Variants in CHIT1 observed in about 807,000 individuals in gnomAD.
The protein encoded by CHIT1 is chitinase 1, also known as chitotriosidase-1.
Under a neutral mutation model 52.0 loss-of-function variants are expected in CHIT1, and 47 were observed. That is an observed-to-expected ratio of 0.90 (90% confidence interval 0.71 to 1.15). The LOEUF is 1.15. Among genes scored for constraint, CHIT1 ranks in the 50% most tolerant of loss-of-function variants. CHIT1 has a pLI of 0.00. For synonymous variants in CHIT1, 242 were observed against 228.2 expected (o/e 1.06, Z -0.54); for missense variants, 569 against 583.0 (o/e 0.98, Z 0.25).
intron 6 of CHIT1, 141 bp from the exon 7 acceptor site, chr1:203,222,466 C>T: frequency 1.6e-6 from 2 of 1,272,442 alleles, no homozygotes; most frequent in South Asian, 1.3e-5. Flanking sequence ...TCACCTGGCT[C>T]TGCAGAAGGT....
chr1:203,217,597 G>T, intron 10 of CHIT1, 142 bp downstream of exon 10: 1 of 1,373,852 alleles, frequency 7.3e-7, no homozygotes, highest in South Asian at 1.3e-5. Flanking sequence ...GCTCCTGCGG[G>T]TACATGAAGC....
At chr1:203,228,096 G>A (rs1449816857) in intron 2 of CHIT1, among the ~76,000 whole-genome samples, 6 of 152,196 alleles carry the variant, frequency 3.9e-5, no homozygotes, top group African/African-American at 9.6e-5. Context: ...TGTTGTCCTC[G>A]CAGAGCTAAG....
rs73068216 is a variant in CHIT1, at chr1:203,224,818, C to G, written c.314+230G>C. Among the ~76,000 whole-genome samples the G allele has an allele frequency of 5.5e-3, 831 of 152,306 alleles. 9 individuals are homozygous for G. The highest frequency in any genetic ancestry group is 0.019 in the African/African-American group (793 of 41,558). On this transcript the variant is annotated intron_variant, in intron 4 of 10. Coordinates refer to ENST00000367229, the MANE Select transcript of CHIT1 (RefSeq NM_003465.3). ...GCCCTCTGCTGTGTTTAGACCTATGCTTCTGGCAAGACTGGATCTGAAACA... is the reference window on the plus strand; with the variant it reads ...GCCCTCTGCTGTGTTTAGACCTATGGTTCTGGCAAGACTGGATCTGAAACA...
At chr1:203,229,777 G>C, upstream of CHIT1, 2 of 961,902 alleles carry the variant, frequency 2.1e-6, no homozygotes, top group Non-Finnish European at 3.3e-6. Flanking sequence ...AGCAGGGTGG[G>C]GAGGGGTAAG....
chr1:203,216,088 G>A lies in CHIT1; in HGVS notation c.*801C>T, dbSNP rs1314800032. The A allele has an allele frequency of 4.4e-6, 2 of 453,442 alleles. No homozygotes were observed. The highest frequency in any genetic ancestry group is 4.7e-5 in the Admixed American group (2 of 42,564). 28.1% of individuals were successfully genotyped at this position (453,442 alleles called of 1,614,324 possible). A position where few individuals can be genotyped will look rare whatever the true frequency, so the allele number is the denominator to read the frequency against. ...AGCCCAAAGCAGCCAGGAATGTTGG[G>A]ATGACTTTATTTAACCAGGACACCG... is the stretch of plus-strand genomic sequence containing the variant. On this transcript the variant is annotated 3_prime_UTR_variant, in exon 11 of 11. Transcript: ENST00000367229.
intron 9 of CHIT1, chr1:203,218,213 T>TGGTCAAGGTCAA (rs142759151): frequency 1.7e-5 from 12 of 704,718 alleles, no homozygotes; most frequent in Middle Eastern, 3.0e-4. Flanking sequence ...TATTGTATGC[T>TGGTCAAGGTCAA]GGTCAAGGTC....
chr1:203,228,401 G>A, intron 2 of CHIT1, 132 bp downstream of exon 2: 2 of 973,776 alleles, frequency 2.1e-6, no homozygotes, highest in Admixed American at 4.0e-5. Context: ...GACATTTGCA[G>A]GGGTCTGAGC....
chr1:203,225,794 C>T lies in CHIT1; in HGVS notation c.132G>A (p.Lys44=), dbSNP rs1265108000. The T allele has an allele frequency of 1.9e-6, 3 of 1,614,200 alleles. No homozygotes were observed. Among genetic ancestry groups the T allele is most frequent in the Admixed American group, 1.7e-5 (1 of 60,026 alleles). The change falls in exon 3 of 11, where the codon AAG becomes AAA. Residue 44 remains lysine, a synonymous_variant. Coordinates refer to ENST00000367229, the MANE Select transcript of CHIT1 (RefSeq NM_003465.3). The part of the protein sequence containing the change: ...YRQGEARFLP[K]DLDPSLCTHL... ...GGGTGCAAAGGCTGGGGTCCAAGTC[C>T]TTGGGCAGGAAGCGAGCCTCCCCCT...
At chr1:203,230,030 G>A, upstream of CHIT1, 1 of 301,068 alleles carries the variant, frequency 3.3e-6, no homozygotes, top group Non-Finnish European at 6.5e-6. Flanking sequence ...AGGCAGCTGG[G>A]TTCCAGACCA....
intron 8 of CHIT1, 99 bp downstream of exon 8, chr1:203,219,565 T>C (rs2102232728): frequency 7.2e-7 from 1 of 1,388,948 alleles, no homozygotes. Context: ...TTCTCTGCAA[T>C]TGGCATCCTT....
chr1:203,217,258 C>A, intron 10 of CHIT1, 125 bp from the exon 11 acceptor site: 1 of 1,576,996 alleles, frequency 6.3e-7, no homozygotes, highest in Non-Finnish European at 8.6e-7. Flanking sequence ...AGGCTGAGTA[C>A]AGCCAGATAC....
chr1:203,229,639 T>C lies in CHIT1; in HGVS notation c.-3A>G. On this transcript the variant is annotated 5_prime_UTR_variant, in exon 1 of 11. Coordinates refer to ENST00000367229, the MANE Select transcript of CHIT1 (RefSeq NM_003465.3). ...GCCCAGGCCACAGACCGCACCATGA[T>C]GCAGCTCAGCGGCAGGCTGCAGCCC... 1 of 1,614,080 alleles carries C rather than the reference T, an allele frequency of 6.2e-7. No individual in the cohort carries two copies. The highest frequency in any genetic ancestry group is 1.1e-5 in the South Asian group (1 of 91,040).
At chr1:203,220,754 G>C (rs1656704686) in intron 7 of CHIT1, among the ~76,000 whole-genome samples, 2 of 152,208 alleles carry the variant, frequency 1.3e-5, no homozygotes. Context: ...TCTTTGATCA[G>C]ATGGGTGCTT....
intron 2 of CHIT1, 45 bp downstream of exon 2, chr1:203,228,488 G>C (rs560383439): frequency 3.6e-5 from 56 of 1,563,602 alleles, no homozygotes; most frequent in Non-Finnish European, 4.8e-5. Context: ...ACATTAAGCA[G>C]AGCCCAGGGA....
At position 203,216,961 on chromosome 1, in the gene CHIT1, C is replaced by T. The variant is rs558273813; in HGVS notation, c.1329G>A (p.Gly443=). The part of the protein sequence containing the change: ...ERSSFYSCAA[G]RLFQQSCPTG... The stretch of plus-strand genomic sequence containing the variant: ...TCGGGCAGCTTTGCTGGAACAGCCG[C>T]CCCGCTGCACAGCTGTAGAAGCTGG... The change falls in exon 11 of 11, where the codon GGG becomes GGA. Residue 443 remains glycine, a synonymous_variant. Coordinates refer to ENST00000367229, the MANE Select transcript of CHIT1 (RefSeq NM_003465.3). The T allele has an allele frequency of 6.2e-7, 1 of 1,614,176 alleles. No homozygotes were observed. Among genetic ancestry groups the T allele is most frequent in the Admixed American group, 1.7e-5 (1 of 60,030 alleles).
At position 203,217,765 on chromosome 1, in the gene CHIT1, A is replaced by AGGG. The variant is rs771290544; in HGVS notation, c.1127_1129dup (p.Pro376dup). 1 of 1,613,680 alleles carries AGGG rather than the reference A, an allele frequency of 6.2e-7. No homozygotes were observed. Among genetic ancestry groups the AGGG allele is most frequent in the South Asian group, 1.1e-5 (1 of 91,036 alleles). On this transcript the variant is annotated inframe_insertion, in exon 10 of 11. Coordinates refer to ENST00000367229, the MANE Select transcript of CHIT1 (RefSeq NM_003465.3). ...CAGTTCCTGCCGTAGCGTCTGGATG[A>AGGG]GGGGGTATCGGCCCTGGTTGCAGGA... is the stretch of plus-strand genomic sequence containing the variant.
intron 7 of CHIT1, 94 bp downstream of exon 7, chr1:203,222,107 CT>C: frequency 4.5e-6 from 7 of 1,566,014 alleles, no homozygotes; most frequent in Non-Finnish European, 4.4e-6. Flanking sequence ...TGCCCTGTGT[CT>C]TTTTTCCCAT....
chr1:203,225,905 C>A, intron 2 of CHIT1, 35 bp from the exon 3 acceptor site: 1 of 1,609,984 alleles, frequency 6.2e-7, no homozygotes, highest in East Asian at 2.2e-5. Flanking sequence ...GGATAGCTGT[C>A]AGCAGGACCT....
chr1:203,228,670 C>T, intron 1 of CHIT1, 108 bp from the exon 2 acceptor site: 2 of 1,277,136 alleles, frequency 1.6e-6, no homozygotes, highest in Non-Finnish European at 2.2e-6. Context: ...TGATTTCATA[C>T]AAATCAAGCT....
Sources: allele counts gnomAD v4.1 joint callset (sites outside exome capture counted in the v4.1 genomes callset), GRCh38; gene constraint gnomAD v4.1.1; transcripts MANE v1.5; gene names NCBI Gene and HGNC (gene_info 2026-07-23, HGNC 2026-07-21).